CERS6: variants seen among roughly 807,000 people sequenced by gnomAD.
The protein encoded by CERS6 is ceramide synthase 6, also known as LAG1 homolog, ceramide synthase 6.
Under a neutral mutation model 56.8 loss-of-function variants are expected in CERS6, and 26 were observed. The ratio of observed to expected loss-of-function variants is 0.46; its 90% confidence interval spans 0.34 to 0.63. CERS6 has a LOEUF of 0.63. Ranked by LOEUF, CERS6 falls within the 30% of genes least tolerant of loss-of-function variation. The pLI, the probability that CERS6 is intolerant of heterozygous loss-of-function variation, is 0.01. For missense variants in CERS6, 415 were observed against 467.5 expected (o/e 0.89, Z 1.04); for synonymous variants, 164 against 173.3 (o/e 0.95, Z 0.42).
At position 168,771,096 on chromosome 2, in the gene CERS6, A is replaced by T. The variant is rs961711541; in HGVS notation, c.*1434A>T. On this transcript the variant is annotated 3_prime_UTR_variant, in exon 10 of 10. Transcript: ENST00000305747. ...AAACCCTTCATAAATCAAGAAGGCCATCACTTAGAACGAACCCCAAACAAA... is the reference window on the plus strand; with the variant it reads ...AAACCCTTCATAAATCAAGAAGGCCTTCACTTAGAACGAACCCCAAACAAA... The T allele has an allele frequency of 6.6e-6, 1 of 152,218 alleles. No homozygotes were observed. Among genetic ancestry groups the T allele is most frequent in the African/African-American group, 2.4e-5 (1 of 41,456 alleles). 9.4% of individuals were successfully genotyped at this position (152,218 alleles called of 1,614,324 possible). A position where few individuals can be genotyped will look rare whatever the true frequency, so the allele number is the denominator to read the frequency against.
chr2:168,752,151 G>A (rs912396291), intron 8 of CERS6, among the ~76,000 whole-genome samples: 4 of 152,014 alleles, frequency 2.6e-5, no homozygotes, highest in African/African-American at 9.7e-5. Context: ...TAAGCATGTG[G>A]ATTATGCCAG....
Position 168,534,445 on chromosome 2 carries a change from C to T in CERS6, c.171-13151C>T, listed in dbSNP as rs1695222950. Among the ~76,000 whole-genome samples, 6 of 145,034 alleles carry T rather than the reference C, an allele frequency of 4.1e-5. No homozygotes were observed. The South Asian group carries it at 1.3e-3, about 32-fold the overall frequency. ...TTAATTGTTGATGCTGTTGTCGTTG[C>T]TTTCTGTTTGTTTTTCTTTCAATGG... On this transcript the variant is annotated intron_variant, in intron 1 of 9. Transcript: ENST00000305747.
At chr2:168,530,459 G>A (rs1402377562) in intron 1 of CERS6, among the ~76,000 whole-genome samples, 4 of 152,114 alleles carry the variant, frequency 2.6e-5, no homozygotes, top group African/African-American at 9.7e-5. Context: ...AGACTTTCTC[G>A]ACAAGGGTAT....
At chr2:168,687,653 G>A (rs370279467) in intron 4 of CERS6, among the ~76,000 whole-genome samples, 5 of 152,330 alleles carry the variant, frequency 3.3e-5, no homozygotes, top group Admixed American at 2.6e-4. Flanking sequence ...TTTATAACAT[G>A]ATTTAAGTGT....
At chr2:168,706,746 G>A (rs921117381) in intron 6 of CERS6, among the ~76,000 whole-genome samples, 1 of 152,174 alleles carries the variant, frequency 6.6e-6, no homozygotes, top group Non-Finnish European at 1.5e-5. Flanking sequence ...AGTTAGCCAC[G>A]AGCCTATGCC....
intron 6 of CERS6, among the ~76,000 whole-genome samples, chr2:168,699,066 A>T (rs767107117): frequency 1.3e-5 from 2 of 152,124 alleles, no homozygotes; most frequent in South Asian, 4.1e-4. Context: ...CTCTGCTGCC[A>T]TCTCTCATTA....
chr2:168,671,575 A>G (rs888212558), intron 4 of CERS6, among the ~76,000 whole-genome samples: 5 of 152,220 alleles, frequency 3.3e-5, no homozygotes, highest in Admixed American at 1.3e-4. Flanking sequence ...GTCTCATTAT[A>G]AAACAGTTTG....
intron 8 of CERS6, among the ~76,000 whole-genome samples, chr2:168,721,547 T>A (rs1291055111): frequency 1.4e-4 from 5 of 36,306 alleles, no homozygotes; most frequent in South Asian, 1.4e-3. Flanking sequence ...CTTTAGTTTT[T>A]GTTTTTGTTT....
intron 4 of CERS6, among the ~76,000 whole-genome samples, chr2:168,641,761 C>G (rs1685056538): frequency 6.6e-6 from 1 of 152,094 alleles, no homozygotes; most frequent in Admixed American, 6.5e-5. Flanking sequence ...AGTATCATGT[C>G]TGAGTGCTTT....
chr2:168,720,950 C>T (rs1298785353), intron 8 of CERS6, among the ~76,000 whole-genome samples: 2 of 152,176 alleles, frequency 1.3e-5, no homozygotes, highest in Non-Finnish European at 2.9e-5. Context: ...TATAGCTATG[C>T]TTCGTGGCCA....
chr2:168,759,778 A>T (rs1023920308), intron 8 of CERS6, among the ~76,000 whole-genome samples: 1 of 152,138 alleles, frequency 6.6e-6, no homozygotes, highest in African/African-American at 2.4e-5. Flanking sequence ...GTTTTTGTGA[A>T]GCAAAAACAA....
At chr2:168,644,965 A>G (rs1235812000) in intron 4 of CERS6, among the ~76,000 whole-genome samples, 2 of 149,764 alleles carry the variant, frequency 1.3e-5, no homozygotes, top group African/African-American at 4.9e-5. Context: ...GGTGGTGCAC[A>G]CTTGTAATCC....
At chr2:168,648,561 C>T (rs1035913681) in intron 4 of CERS6, among the ~76,000 whole-genome samples, 2 of 152,058 alleles carry the variant, frequency 1.3e-5, no homozygotes, top group Non-Finnish European at 2.9e-5. Context: ...TTGTCTTCTG[C>T]TAGCTTTGGG....
chr2:168,708,320 T>C (rs1300982050), intron 6 of CERS6, among the ~76,000 whole-genome samples: 2 of 152,082 alleles, frequency 1.3e-5, no homozygotes, highest in Admixed American at 6.6e-5. Flanking sequence ...GCATTCTGAG[T>C]TTTATGCCAA....
intron 1 of CERS6, among the ~76,000 whole-genome samples, chr2:168,467,753 C>T (rs915869181): frequency 1.6e-4 from 25 of 152,212 alleles, no homozygotes; most frequent in African/African-American, 5.5e-4. Flanking sequence ...AAACCTGGTT[C>T]GTAAAAATAC....
intron 2 of CERS6, among the ~76,000 whole-genome samples, chr2:168,558,508 T>G (rs1405992066): frequency 2.0e-5 from 3 of 152,258 alleles, no homozygotes; most frequent in African/African-American, 7.2e-5. Flanking sequence ...TATGCAACTA[T>G]TTTTGTGACA....
chr2:168,750,267 A>G (rs971178778), intron 8 of CERS6, among the ~76,000 whole-genome samples: 11 of 152,172 alleles, frequency 7.2e-5, no homozygotes, highest in Non-Finnish European at 1.6e-4. Flanking sequence ...GTATGTTATC[A>G]TTCTCATGTG....
chr2:168,717,851 T>C (rs1311401105), intron 7 of CERS6, 21 bp from the exon 8 acceptor site: 1 of 1,565,238 alleles, frequency 6.4e-7, no homozygotes. Flanking sequence ...CATTAATATA[T>C]CACATTCCTT....
In CERS6 at chr2:168,769,596, A is replaced by G; in HGVS notation, c.1089A>G (p.Thr363=). 1 of 1,612,690 alleles carries G rather than the reference A, an allele frequency of 6.2e-7. No individual in the cohort carries two copies. Among genetic ancestry groups the G allele is most frequent in the Admixed American group, 1.7e-5 (1 of 59,720 alleles). Residue 363 remains threonine, a synonymous_variant, in exon 10 of 10, where the codon ACA becomes ACG. Transcript: ENST00000305747. ...EPPGKNPHTA[T]TTNGTSGTNG... ...CGGGAAAGAATCCCCACACTGCGACAACCACCAATGGGACCAGTGGTACCA... is the reference window on the plus strand; with the variant it reads ...CGGGAAAGAATCCCCACACTGCGACGACCACCAATGGGACCAGTGGTACCA...
Sources: allele counts gnomAD v4.1 joint callset (sites outside exome capture counted in the v4.1 genomes callset), GRCh38; gene constraint gnomAD v4.1.1; transcripts MANE v1.5; gene names NCBI Gene and HGNC (gene_info 2026-07-23, HGNC 2026-07-21).